Variants in ESF1 observed in about 807,000 individuals in gnomAD.
ESF1 encodes the protein ESF1 homolog.
In ESF1, 58 loss-of-function variants were observed where a neutral mutation model predicts 92.0. That is an observed-to-expected ratio of 0.63 (90% CI 0.51 to 0.78). The LOEUF (loss-of-function observed/expected upper bound fraction) is 0.78, where lower values mean the gene tolerates loss of function less well. ESF1 is among the 30% of genes least tolerant of loss of function. The probability of loss-of-function intolerance (pLI) is 0.00; values close to 1 mark genes in which losing one functional copy is unlikely to be tolerated. For missense variants in ESF1, 922 were observed against 989.1 expected, an observed-to-expected ratio of 0.93 and a Z score of 0.91; for synonymous variants, 321 against 313.7, an observed-to-expected ratio of 1.02 and a Z score of -0.24.
chr20:13,768,368 A>T (rs886435162), intron 7 of ESF1, among the ~76,000 whole-genome samples: 1 of 152,102 alleles, frequency 6.6e-6, no homozygotes, highest in Admixed American at 6.6e-5. Flanking sequence ...GGATCACCAG[A>T]GGTTGGGAGT....
Position 13,782,985 on chromosome 20 carries a change from G to T in ESF1, c.156C>A (p.Ala52=). 1 of 1,613,982 alleles carries T rather than the reference G, an allele frequency of 6.2e-7. No homozygotes were observed. The highest frequency in any genetic ancestry group is 8.5e-7 in the Non-Finnish European group (1 of 1,180,000). The change falls in exon 2 of 14, where the codon GCC becomes GCA. Residue 52 remains alanine, a synonymous_variant. Transcript: ENST00000617257. Reference sequence around the variant, plus strand: ...TAATGGGGCGCCCTCTTTTATCCACGGCATAGTTCAACTTGAACTTCTTGT... The same window carrying T: ...TAATGGGGCGCCCTCTTTTATCCACTGCATAGTTCAACTTGAACTTCTTGT... ...FHDKKFKLNY[A]VDKRGRPISH... is the part of the protein sequence containing the mutation.
intron 9 of ESF1, among the ~76,000 whole-genome samples, chr20:13,746,901 T>C (rs989144881): frequency 2.6e-5 from 4 of 152,228 alleles, no homozygotes; most frequent in Non-Finnish European, 5.9e-5. Context: ...AAGTTAACCA[T>C]AATTCCTCTA....
At chr20:13,716,881 G>C (rs2049832002) in intron 13 of ESF1, among the ~76,000 whole-genome samples, 1 of 137,926 alleles carries the variant, frequency 7.3e-6, no homozygotes. Flanking sequence ...GCAGTGGCGA[G>C]ATCTCGGCTC....
intron 9 of ESF1, among the ~76,000 whole-genome samples, chr20:13,741,111 CT>C (rs961981875): frequency 2.6e-5 from 4 of 152,106 alleles, no homozygotes; most frequent in African/African-American, 9.7e-5. Flanking sequence ...TCTTGTCCCC[CT>C]AATATCCCAT....
intron 11 of ESF1, among the ~76,000 whole-genome samples, chr20:13,723,917 AAACT>A (rs1439965297): frequency 3.3e-5 from 5 of 152,260 alleles, no homozygotes; most frequent in Non-Finnish European, 7.3e-5. Flanking sequence ...TTATTTTGAC[AAACT>A]AATAATGAAG....
chr20:13,732,514 A>C (rs2049949657), intron 10 of ESF1, among the ~76,000 whole-genome samples: 1 of 152,210 alleles, frequency 6.6e-6, no homozygotes, highest in Admixed American at 6.5e-5. Flanking sequence ...AAGAACACAC[A>C]GTATAGAAAC....
At chr20:13,732,253 T>C (rs1274200755) in intron 10 of ESF1, among the ~76,000 whole-genome samples, 1 of 152,178 alleles carries the variant, frequency 6.6e-6, no homozygotes, top group African/African-American at 2.4e-5. Flanking sequence ...CACTGGTTAG[T>C]GTGTGGAGAA....
chr20:13,773,014 C>A (rs1243448281), intron 4 of ESF1, among the ~76,000 whole-genome samples: 6 of 152,142 alleles, frequency 3.9e-5, no homozygotes, highest in Non-Finnish European at 5.9e-5. Flanking sequence ...TAATGAAGAT[C>A]AATTTTGTAA....
At position 13,733,798 on chromosome 20, in the gene ESF1, C is replaced by T; in HGVS notation, c.1873G>A (p.Gly625Arg). ...AEEMVKNKLE[G>R]KDKLTPWEQF... ...TCCCAAGGGGTCAGTTTATCCTTTC[C>T]TTCCAATTTGTTTTTGACCATCTCT... The change falls in exon 10 of 14, where the codon GGA becomes AGA. Residue 625 changes from glycine to arginine, a missense_variant. Coordinates refer to ENST00000617257, the MANE Select transcript of ESF1 (RefSeq NM_001276380.2). The T allele has an allele frequency of 1.9e-6, 3 of 1,612,498 alleles. No homozygotes were observed. Among genetic ancestry groups the T allele is most frequent in the Non-Finnish European group, 2.5e-6 (3 of 1,179,530 alleles).
chr20:13,721,687 C>T (rs1202096311), intron 11 of ESF1, among the ~76,000 whole-genome samples: 1 of 152,182 alleles, frequency 6.6e-6, no homozygotes, highest in African/African-American at 2.4e-5. Context: ...TCTTGCACAC[C>T]TGTCCAGTAG....
chr20:13,734,730 G>C (rs1418108733), intron 9 of ESF1, among the ~76,000 whole-genome samples: 1 of 150,110 alleles, frequency 6.7e-6, no homozygotes, highest in Non-Finnish European at 1.5e-5. Flanking sequence ...AGAGGACATA[G>C]TTGGGTGGAT....
chr20:13,720,934 A>C (rs1433114183), intron 11 of ESF1, among the ~76,000 whole-genome samples: 1 of 152,214 alleles, frequency 6.6e-6, no homozygotes, highest in African/African-American at 2.4e-5. Flanking sequence ...CAGCATGGCC[A>C]ACATGGTGAA....
intron 8 of ESF1, among the ~76,000 whole-genome samples, chr20:13,764,300 T>C (rs566679804): frequency 6.6e-6 from 1 of 152,348 alleles, no homozygotes; most frequent in African/African-American, 2.4e-5. Flanking sequence ...GTGAAGGTAT[T>C]AGGCAGACAG....
At chr20:13,715,333 T>G (rs1275360157) in intron 13 of ESF1, among the ~76,000 whole-genome samples, 166 bp from the exon 14 acceptor site, 6 of 152,178 alleles carry the variant, frequency 3.9e-5, no homozygotes, top group African/African-American at 1.4e-4. Flanking sequence ...CATAGCTCTT[T>G]ATGGCCTACC....
chr20:13,725,056 ACT>A (rs969977173), intron 11 of ESF1, among the ~76,000 whole-genome samples: 1 of 151,890 alleles, frequency 6.6e-6, no homozygotes, highest in African/African-American at 2.4e-5. Context: ...AGACCTGAAC[ACT>A]CTCCTTAAAA....
At chr20:13,780,537 G>C (rs921279526) in intron 2 of ESF1, among the ~76,000 whole-genome samples, 1 of 152,100 alleles carries the variant, frequency 6.6e-6, no homozygotes, top group Non-Finnish European at 1.5e-5. Flanking sequence ...CCTAGTCCTT[G>C]CTATCCAGAA....
intron 9 of ESF1, among the ~76,000 whole-genome samples, chr20:13,752,154 C>G (rs1978668306): frequency 6.6e-6 from 1 of 152,174 alleles, no homozygotes; most frequent in African/African-American, 2.4e-5. Flanking sequence ...AAGTGCTTCT[C>G]ATTTTTATTA....
In ESF1 at chr20:13,733,740, CTT is replaced by C; in HGVS notation, c.1929_1930del (p.Arg644ThrfsTer10). On this transcript the variant is annotated frameshift_variant, in exon 10 of 14. Transcript: ENST00000617257. LOFTEE classifies it high-confidence loss of function. ...TGATACCTTCTGTTTCCTTTTCAGTCTTTTTTTCTCTTTCTTCTTCTCTAAAA... is the reference window on the plus strand; with the variant it reads ...TGATACCTTCTGTTTCCTTTTCAGTCTTTTTCTCTTTCTTCTTCTCTAAAA... 1 of 1,611,654 alleles carries C rather than the reference CTT, an allele frequency of 6.2e-7. No individual in the cohort carries two copies. Among genetic ancestry groups the C allele is most frequent in the Non-Finnish European group, 8.5e-7 (1 of 1,179,464 alleles).
intron 2 of ESF1, among the ~76,000 whole-genome samples, chr20:13,779,580 G>A (rs1980089838): frequency 6.6e-6 from 1 of 152,154 alleles, no homozygotes. Context: ...TGTTGCCCAG[G>A]CTGGAGTGCA....
Sources: allele counts gnomAD v4.1 joint callset (sites outside exome capture counted in the v4.1 genomes callset), GRCh38; gene constraint gnomAD v4.1.1; transcripts MANE v1.5; gene names NCBI Gene and HGNC (gene_info 2026-07-23, HGNC 2026-07-21).